The following ST6GALNAC3 variants were observed in gnomAD, a reference collection of about 807,000 sequenced individuals.
ST6GALNAC3 encodes ST6 N-acetylgalactosaminide alpha-2,6-sialyltransferase 3.
ST6GALNAC3 carries 25 observed loss-of-function variants against 32.7 expected under a neutral mutation model. That is an observed-to-expected ratio of 0.76 (90% CI 0.56 to 1.07). The LOEUF (loss-of-function observed/expected upper bound fraction) is 1.07. ST6GALNAC3 is among the 50% of genes least tolerant of loss of function. The pLI, the probability that ST6GALNAC3 is intolerant of heterozygous loss-of-function variation, is 0.00. For missense variants in ST6GALNAC3, 355 were observed against 382.4 expected (o/e 0.93, Z 0.60); for synonymous variants, 129 against 133.1 (o/e 0.97, Z 0.21).
At chr1:76,203,933 G>A (rs915531127) in intron 1 of ST6GALNAC3, among the ~76,000 whole-genome samples, 1 of 152,070 alleles carries the variant, frequency 6.6e-6, no homozygotes, top group African/African-American at 2.4e-5. Context: ...ATAGATTATT[G>A]TAAACTGTTG....
At position 76,634,034 on chromosome 1, in the gene ST6GALNAC3, G is replaced by GT. The variant is rs750044427; in HGVS notation, c.*5235dup. On this transcript the variant is annotated 3_prime_UTR_variant, in exon 5 of 5. Transcript: ENST00000328299. ...GTAACAGTGCAGAAAATCTCATTTA[G>GT]TTTTTTTCTTTTTTTTTTTCAGTTA... is the stretch of plus-strand genomic sequence containing the variant. 5.3e-4 allele frequency: 229 copies of GT among 430,208 alleles called. No homozygotes were observed. The highest frequency in any genetic ancestry group is 1.2e-3 in the Middle Eastern group (1 of 860). 26.6% of individuals were successfully genotyped at this position (430,208 alleles called of 1,614,324 possible). A position where few individuals can be genotyped will look rare whatever the true frequency, so the allele number is the denominator to read the frequency against.
At chr1:76,336,250 T>C (rs1647463195) in intron 2 of ST6GALNAC3, among the ~76,000 whole-genome samples, 1 of 152,218 alleles carries the variant, frequency 6.6e-6, no homozygotes, top group South Asian at 2.1e-4. Context: ...TGGCATTATT[T>C]CAATTATTTG....
chr1:76,358,697 G>C (rs948470984), intron 2 of ST6GALNAC3, among the ~76,000 whole-genome samples: 1 of 152,100 alleles, frequency 6.6e-6, no homozygotes, highest in East Asian at 1.9e-4. Context: ...CCCTGGGTAA[G>C]AGTCTCCGGG....
intron 3 of ST6GALNAC3, chr1:76,413,016 T>C (rs1261581668): frequency 5.9e-6 from 2 of 336,370 alleles, no homozygotes; most frequent in Admixed American, 7.5e-5. Flanking sequence ...ATAAATACTA[T>C]TCATTCAATT....
At chr1:76,089,787 C>T (rs1034241096) in intron 1 of ST6GALNAC3, among the ~76,000 whole-genome samples, 4 of 152,162 alleles carry the variant, frequency 2.6e-5, no homozygotes, top group Admixed American at 2.6e-4. Flanking sequence ...CACTATATAG[C>T]AGCTGTCTGT....
chr1:76,145,579 T>C (rs1650627663), intron 1 of ST6GALNAC3, among the ~76,000 whole-genome samples: 1 of 152,224 alleles, frequency 6.6e-6, no homozygotes. Flanking sequence ...TGTTGTTCTT[T>C]TTCAATTACG....
chr1:76,484,773 G>A (rs1311787236), intron 3 of ST6GALNAC3, among the ~76,000 whole-genome samples: 1 of 152,124 alleles, frequency 6.6e-6, no homozygotes. Flanking sequence ...AATAGGAGTG[G>A]TGAGAGACGC....
chr1:76,596,348 T>C (rs1001571164), intron 3 of ST6GALNAC3, among the ~76,000 whole-genome samples: 2 of 152,198 alleles, frequency 1.3e-5, no homozygotes, highest in African/African-American at 2.4e-5. Flanking sequence ...CGAGATCATG[T>C]CTTGTTTATG....
At chr1:76,570,058 G>A (rs1402419119) in intron 3 of ST6GALNAC3, among the ~76,000 whole-genome samples, 1 of 152,094 alleles carries the variant, frequency 6.6e-6, no homozygotes, top group African/African-American at 2.4e-5. Context: ...TAATGAAGCA[G>A]CGAAGCTAAA....
chr1:76,513,790 TATGTG>T (rs1662013861), intron 3 of ST6GALNAC3, among the ~76,000 whole-genome samples: 1 of 152,202 alleles, frequency 6.6e-6, no homozygotes, highest in Non-Finnish European at 1.5e-5. Flanking sequence ...AATCTATAAA[TATGTG>T]ATATCTTTCC....
In ST6GALNAC3 at chr1:76,193,340, C is replaced by A. The variant is rs115227163; in HGVS notation, c.18+118456C>A. 2.0e-4 allele frequency among the ~76,000 whole-genome samples: 31 copies of A among 152,248 alleles called. 1 individual carries two copies. Among genetic ancestry groups the A allele is most frequent in the African/African-American group, 7.2e-4 (30 of 41,558 alleles). On this transcript the variant is annotated intron_variant, in intron 1 of 4. Coordinates refer to ENST00000328299, the MANE Select transcript of ST6GALNAC3 (RefSeq NM_152996.4). ...AAAGATTGTATATATTTGTCACACA[C>A]ATGTTGTTTTGAAGTGTGTACATTG...
At chr1:76,574,518 A>T (rs985277559) in intron 3 of ST6GALNAC3, among the ~76,000 whole-genome samples, 1 of 143,898 alleles carries the variant, frequency 6.9e-6, no homozygotes, top group Non-Finnish European at 1.5e-5. Context: ...CTTCAGGCAC[A>T]AAAAGCTCTC....
intron 3 of ST6GALNAC3, among the ~76,000 whole-genome samples, chr1:76,434,784 GTTTT>G (rs1211703628): frequency 1.6e-3 from 117 of 72,202 alleles, no homozygotes; most frequent in Non-Finnish European, 2.0e-3. Context: ...TTTTTTCTCT[GTTTT>G]TTTTTTTTTT....
At chr1:76,277,479 C>A (rs1659195411) in intron 1 of ST6GALNAC3, among the ~76,000 whole-genome samples, 1 of 148,888 alleles carries the variant, frequency 6.7e-6, no homozygotes, top group African/African-American at 2.4e-5. Context: ...GAATAAGACC[C>A]CCTCCTTCAT....
At chr1:76,095,992 C>T (rs970044343) in intron 1 of ST6GALNAC3, among the ~76,000 whole-genome samples, 2 of 152,180 alleles carry the variant, frequency 1.3e-5, no homozygotes, top group African/African-American at 4.8e-5. Flanking sequence ...TTCATTCCCT[C>T]ACCTGTGGGG....
At chr1:76,554,019 AT>A in intron 3 of ST6GALNAC3, among the ~76,000 whole-genome samples, 1 of 152,340 alleles carries the variant, frequency 6.6e-6, no homozygotes, top group Admixed American at 6.5e-5. Context: ...TGATTAAAAC[AT>A]TTAATGGTTC....
rs187606188 is a variant in ST6GALNAC3 at position 76,251,842 on chromosome 1, C to T, written c.19-61963C>T. Reference sequence around the variant, plus strand: ...ATAAACCGTTCTGCTCCTAGATAAGCAGGGACTGTCCTGCCTGTGCACCTT... The same window carrying T: ...ATAAACCGTTCTGCTCCTAGATAAGTAGGGACTGTCCTGCCTGTGCACCTT... On this transcript the variant is annotated intron_variant, in intron 1 of 4. Coordinates refer to ENST00000328299, the MANE Select transcript of ST6GALNAC3 (RefSeq NM_152996.4). Among the ~76,000 whole-genome samples the T allele has an allele frequency of 5.3e-5, 8 of 152,200 alleles. No individual in the cohort carries two copies. The East Asian group carries it at 1.5e-3, about 29-fold the overall frequency.
intron 3 of ST6GALNAC3, among the ~76,000 whole-genome samples, chr1:76,497,831 T>C (rs1331960314): frequency 6.6e-6 from 1 of 152,150 alleles, no homozygotes; most frequent in African/African-American, 2.4e-5. Flanking sequence ...ATCTTTCCAA[T>C]AGAAAGCAAG....
intron 1 of ST6GALNAC3, among the ~76,000 whole-genome samples, chr1:76,219,023 T>G (rs770908539): frequency 1.3e-5 from 2 of 152,244 alleles, no homozygotes; most frequent in Non-Finnish European, 2.9e-5. Context: ...CTTGAGATTT[T>G]AAGTAATATG....
Sources: gnomAD v4.1 joint callset for allele counts (sites outside exome capture counted in the v4.1 genomes callset) on GRCh38, gnomAD v4.1.1 for gene constraint, MANE v1.5 for transcripts, NCBI Gene and HGNC (gene_info 2026-07-23, HGNC 2026-07-21) for gene names.